The following DLG1 variants were observed in gnomAD, a reference collection of about 807,000 sequenced individuals.
DLG1 encodes the protein disks large homolog 1.
DLG1 carries 42 observed loss-of-function variants against 123.4 expected under a neutral mutation model. The ratio of observed to expected loss-of-function variants is 0.34; its 90% confidence interval spans 0.27 to 0.44. The LOEUF is 0.44. Ranked by LOEUF, DLG1 falls within the 20% of genes least tolerant of loss-of-function variation. The probability of loss-of-function intolerance (pLI) is 1.00; values close to 1 mark genes in which losing one functional copy is unlikely to be tolerated. For synonymous variants in DLG1, 317 were observed against 356.2 expected, an observed-to-expected ratio of 0.89 and a Z score of 1.24; for missense variants, 942 against 1,082.6, an observed-to-expected ratio of 0.87 and a Z score of 1.82.
chr3:197,108,364 G>C lies in DLG1; in HGVS notation c.1444-3359C>G, dbSNP rs149305453. On this transcript the variant is annotated intron_variant, in intron 13 of 24. Coordinates refer to ENST00000667157, the MANE Select transcript of DLG1 (RefSeq NM_001366207.1). ...TATTCCTTTTTGGGGAAGAGTTTGTGAATGATTGGTGTTAATTCTTTAAAT... is the reference window on the plus strand; with the variant it reads ...TATTCCTTTTTGGGGAAGAGTTTGTCAATGATTGGTGTTAATTCTTTAAAT... Among the ~76,000 whole-genome samples the C allele has an allele frequency of 5.1e-3, 781 of 152,328 alleles. 6 individuals carry two copies. Among genetic ancestry groups the C allele is most frequent in the African/African-American group, 0.018 (736 of 41,570 alleles).
intron 5 of DLG1, among the ~76,000 whole-genome samples, chr3:197,180,284 G>C (rs1387812389): frequency 6.6e-6 from 1 of 152,062 alleles, no homozygotes; most frequent in Non-Finnish European, 1.5e-5. Context: ...AAGTCTAGCA[G>C]CACTGTGCTG....
chr3:197,253,415 T>A (rs1755388145), intron 4 of DLG1, among the ~76,000 whole-genome samples: 1 of 152,152 alleles, frequency 6.6e-6, no homozygotes, highest in Non-Finnish European at 1.5e-5. Context: ...GGCAAGGATG[T>A]GGAAAAACTC....
chr3:197,091,052 T>C (rs779715603), intron 14 of DLG1, 26 bp from the exon 15 acceptor site: 2 of 1,449,860 alleles, frequency 1.4e-6, no homozygotes, highest in South Asian at 1.2e-5. Context: ...GAGAAATAAA[T>C]TGATATATTT....
intron 13 of DLG1, among the ~76,000 whole-genome samples, chr3:197,107,326 C>T (rs1767053409): frequency 6.6e-6 from 1 of 152,126 alleles, no homozygotes; most frequent in Non-Finnish European, 1.5e-5. Context: ...AGGCAGATCA[C>T]GAGGTCAGGA....
chr3:197,113,129 C>T (rs182443960), intron 13 of DLG1, among the ~76,000 whole-genome samples: 1 of 152,196 alleles, frequency 6.6e-6, no homozygotes, highest in African/African-American at 2.4e-5. Flanking sequence ...ATTATAGCAC[C>T]ATTTGTTAAA....
chr3:197,123,796 TAAAAGATCAG>T (rs1341876841), intron 11 of DLG1, among the ~76,000 whole-genome samples: 1 of 152,096 alleles, frequency 6.6e-6, no homozygotes, highest in Non-Finnish European at 1.5e-5. Context: ...GCTACACTCA[TAAAAGATCAG>T]AACTGTAAGT....
intron 5 of DLG1, among the ~76,000 whole-genome samples, chr3:197,188,938 CT>C (rs1357506693): frequency 3.7e-4 from 57 of 152,194 alleles, no homozygotes; most frequent in Non-Finnish European, 1.6e-4. Context: ...TAATGCTCAC[CT>C]GCTCCAAATC....
chr3:197,264,540 C>T (rs1015712584), intron 4 of DLG1, among the ~76,000 whole-genome samples: 20 of 152,272 alleles, frequency 1.3e-4, no homozygotes, highest in African/African-American at 4.8e-4. Flanking sequence ...GATTCTCCTG[C>T]CTCAGCCTCC....
At chr3:197,227,131 T>C (rs761215326) in intron 4 of DLG1, among the ~76,000 whole-genome samples, 16 of 152,204 alleles carry the variant, frequency 1.1e-4, no homozygotes, top group Non-Finnish European at 1.9e-4. Flanking sequence ...CACTATTATT[T>C]GGGTTGTTCT....
chr3:197,100,510 T>C (rs1161462021), intron 14 of DLG1, among the ~76,000 whole-genome samples: 3 of 152,176 alleles, frequency 2.0e-5, no homozygotes, highest in African/African-American at 7.2e-5. Flanking sequence ...TTCTTTCCAA[T>C]TTATTTCTTT....
At chr3:197,145,631 T>G (rs1790350509) in intron 6 of DLG1, among the ~76,000 whole-genome samples, 1 of 152,216 alleles carries the variant, frequency 6.6e-6, no homozygotes, top group Non-Finnish European at 1.5e-5. Flanking sequence ...TTTGATACTG[T>G]GACCTTATGA....
chr3:197,293,724 C>T (rs370561116), intron 3 of DLG1, among the ~76,000 whole-genome samples: 1 of 151,970 alleles, frequency 6.6e-6, no homozygotes, highest in African/African-American at 2.4e-5. Context: ...TCCAAAGACA[C>T]TTGGCACCCC....
chr3:197,149,694 G>C (rs1479071483), intron 6 of DLG1, 49 bp downstream of exon 6: 3 of 1,204,662 alleles, frequency 2.5e-6, no homozygotes, highest in Admixed American at 1.7e-5. Context: ...TCAAAAAACG[G>C]AACAGGAAAG....
intron 5 of DLG1, among the ~76,000 whole-genome samples, chr3:197,169,801 T>C (rs1309858795): frequency 1.3e-5 from 2 of 152,210 alleles, no homozygotes; most frequent in African/African-American, 4.8e-5. Context: ...TGTGCAAGCT[T>C]GTTACACAGG....
At chr3:197,168,971 A>C (rs1262812191) in intron 5 of DLG1, among the ~76,000 whole-genome samples, 3 of 152,238 alleles carry the variant, frequency 2.0e-5, no homozygotes, top group Admixed American at 6.5e-5. Flanking sequence ...GTACCTTTTA[A>C]AAACCAGTAT....
chr3:197,247,899 C>T (rs1479276199), intron 4 of DLG1, among the ~76,000 whole-genome samples: 7 of 152,098 alleles, frequency 4.6e-5, no homozygotes, highest in Non-Finnish European at 1.0e-4. Context: ...CTGGAGGTCC[C>T]TTGCACTCTT....
intron 4 of DLG1, among the ~76,000 whole-genome samples, chr3:197,245,768 G>A (rs1396248833): frequency 2.0e-5 from 3 of 152,108 alleles, no homozygotes; most frequent in African/African-American, 7.2e-5. Context: ...GAAAGACAAT[G>A]AGTTGGTGGA....
intron 4 of DLG1, among the ~76,000 whole-genome samples, chr3:197,265,536 C>T (rs554479223): frequency 2.0e-4 from 31 of 152,216 alleles, no homozygotes; most frequent in African/African-American, 7.5e-4. Flanking sequence ...GAGAGCGGGA[C>T]AGAAAAAGCT....
At chr3:197,220,514 C>A (rs1035984225) in intron 4 of DLG1, among the ~76,000 whole-genome samples, 1 of 151,916 alleles carries the variant, frequency 6.6e-6, no homozygotes, top group Non-Finnish European at 1.5e-5. Flanking sequence ...TATAGGAGAA[C>A]AATAATCAAC....
Sources: allele counts gnomAD v4.1 joint callset (sites outside exome capture counted in the v4.1 genomes callset), GRCh38; gene constraint gnomAD v4.1.1; transcripts MANE v1.5; gene names NCBI Gene and HGNC (gene_info 2026-07-23, HGNC 2026-07-21).